Variants in ZNF362 observed in about 807,000 individuals in gnomAD.
ZNF362 encodes the protein zinc finger protein 362.
In ZNF362, 11 loss-of-function variants were observed where a neutral mutation model predicts 42.9. The observed-to-expected ratio is 0.26, with a 90% confidence interval of 0.16 to 0.42. The LOEUF is 0.42. ZNF362 is among the 20% of genes least tolerant of loss of function. ZNF362 has a pLI of 1.00. For missense variants in ZNF362, 362 were observed against 576.2 expected, an observed-to-expected ratio of 0.63 and a Z score of 3.81; for synonymous variants, 255 against 257.3, an observed-to-expected ratio of 0.99 and a Z score of 0.09.
At chr1:33,264,305 C>G (rs77563891) in intron 1 of ZNF362, among the ~76,000 whole-genome samples, 2 of 152,178 alleles carry the variant, frequency 1.3e-5, no homozygotes, top group Non-Finnish European at 2.9e-5. Flanking sequence ...TGCCACCCCC[C>G]ACCCCCTAGA....
the ZNF362 span, among the ~76,000 whole-genome samples, chr1:33,133,538 G>A: frequency 6.6e-6 from 1 of 152,222 alleles, no homozygotes; most frequent in African/African-American, 2.4e-5. Context: ...TACAGCTGAT[G>A]ACCAGCAGAG....
At chr1:33,243,402 T>C in the ZNF362 span, among the ~76,000 whole-genome samples, 1 of 151,806 alleles carries the variant, frequency 6.6e-6, no homozygotes, top group East Asian at 1.9e-4. Flanking sequence ...GCCAGGCTGG[T>C]CTTGAAATCC....
At chr1:33,210,769 A>T in the ZNF362 span, among the ~76,000 whole-genome samples, 2 of 150,842 alleles carry the variant, frequency 1.3e-5, no homozygotes. Flanking sequence ...TTTTCTTTCC[A>T]CTTGCTTGGT....
the ZNF362 span, chr1:33,180,953 T>TGGGGGGGGGG: frequency 9.7e-6 from 7 of 724,328 alleles, no homozygotes; most frequent in Non-Finnish European, 1.4e-5. Flanking sequence ...GGTCCAGCCC[T>TGGGGGGGGGG]GACCCCACCC....
At chr1:33,252,368 AC>A (rs1645765183), upstream of ZNF362, among the ~76,000 whole-genome samples, 1 of 113,282 alleles carries the variant, frequency 8.8e-6, no homozygotes, top group Non-Finnish European at 2.0e-5. Context: ...AACAACAACA[AC>A]AACAACAACA....
At chr1:33,274,103 G>A (rs1452105922) in intron 2 of ZNF362, among the ~76,000 whole-genome samples, 9 of 152,170 alleles carry the variant, frequency 5.9e-5, no homozygotes, top group African/African-American at 2.2e-4. Context: ...TGCTGTGTGA[G>A]CGGGTGCTCA....
At chr1:33,276,007 C>G in intron 2 of ZNF362, 93 bp from the exon 3 acceptor site, 1 of 1,420,788 alleles carries the variant, frequency 7.0e-7, no homozygotes, top group South Asian at 1.2e-5. Context: ...ATCCCAGACA[C>G]TGGCCCTGAC....
the ZNF362 span, among the ~76,000 whole-genome samples, chr1:33,218,466 GC>G: frequency 6.6e-6 from 1 of 152,060 alleles, no homozygotes; most frequent in Admixed American, 6.6e-5. Flanking sequence ...TTTTGATATT[GC>G]CCTCCAAAAA....
At chr1:33,244,614 G>T in the ZNF362 span, among the ~76,000 whole-genome samples, 1 of 152,180 alleles carries the variant, frequency 6.6e-6, no homozygotes, top group African/African-American at 2.4e-5. The surrounding 1 kb of genome is among the most constrained non-coding windows in gnomAD (Gnocchi z 4.0). Context: ...GAGAGACTGG[G>T]AAGGCACTTA....
At chr1:33,208,445 G>A in the ZNF362 span, among the ~76,000 whole-genome samples, 3 of 152,042 alleles carry the variant, frequency 2.0e-5, no homozygotes, top group Non-Finnish European at 2.9e-5. Context: ...ATTTAAAGTC[G>A]TTTTTTTCCA....
chr1:33,175,452 G>T, the ZNF362 span, among the ~76,000 whole-genome samples: 4 of 152,182 alleles, frequency 2.6e-5, no homozygotes, highest in African/African-American at 9.7e-5. Context: ...AATGGTACTG[G>T]GAAAACAACA....
intron 1 of ZNF362, among the ~76,000 whole-genome samples, chr1:33,259,201 A>G (rs138775130): frequency 4.5e-4 from 68 of 152,310 alleles, no homozygotes; most frequent in African/African-American, 1.6e-3. Context: ...CAGAGGGACA[A>G]TGAGCCCCTC....
chr1:33,260,339 C>T (rs1645820922), intron 1 of ZNF362, among the ~76,000 whole-genome samples: 1 of 152,248 alleles, frequency 6.6e-6, no homozygotes, highest in African/African-American at 2.4e-5. Context: ...TCCAGCCACA[C>T]ACCAGTTTCA....
the ZNF362 span, chr1:33,147,264 G>A: frequency 6.2e-7 from 1 of 1,614,040 alleles, no homozygotes; most frequent in African/African-American, 1.3e-5. The surrounding 1 kb of genome is among the most constrained non-coding windows in gnomAD (Gnocchi z 8.1). Context: ...AGCAGAGCTT[G>A]CCAGGGAACT....
At chr1:33,159,672 G>A in the ZNF362 span, 24 of 1,593,728 alleles carry the variant, frequency 1.5e-5, no homozygotes, top group African/African-American at 1.2e-4. This position sits in a 1 kb window ranked among gnomAD's most constrained non-coding sequence, Gnocchi z 4.2. Context: ...GGAGGGCCCC[G>A]GCGGGTGGCA....
At chr1:33,283,196 C>A (rs549150395) in intron 6 of ZNF362, among the ~76,000 whole-genome samples, 1 of 152,100 alleles carries the variant, frequency 6.6e-6, no homozygotes, top group Non-Finnish European at 1.5e-5. Context: ...GTCATGATCT[C>A]GGATCACTGC....
chr1:33,276,113 C>T lies in ZNF362; in HGVS notation c.52C>T (p.Arg18Ter). The T allele has an allele frequency of 6.2e-7, 1 of 1,614,044 alleles. No homozygotes were observed. Among genetic ancestry groups the T allele is most frequent in the Non-Finnish European group, 8.5e-7 (1 of 1,180,000 alleles). ...CTCTTCCCGCAGGATGGCCGAGCCT[C>T]GATTTAACAACCCCTACTTCTGGCC... ...GKGHSRMAEP[R>*]FNNPYFWPPP... The change falls in exon 3 of 9, where the codon CGA (arginine) becomes TGA (stop). Residue 18 changes from arginine to a stop codon, truncating the protein, a stop_gained. Coordinates refer to ENST00000539719, the MANE Select transcript of ZNF362 (RefSeq NM_152493.3). LOFTEE classifies it high-confidence loss of function.
chr1:33,166,690 G>A, the ZNF362 span, among the ~76,000 whole-genome samples: 1 of 152,128 alleles, frequency 6.6e-6, no homozygotes. Flanking sequence ...CCATGATCTT[G>A]ATGCCAGGTG....
chr1:33,220,383 G>C, the ZNF362 span, among the ~76,000 whole-genome samples: 1 of 152,112 alleles, frequency 6.6e-6, no homozygotes, highest in African/African-American at 2.4e-5. Flanking sequence ...CTAACCCTCA[G>C]TTACCTTGTG....
Sources: gnomAD v4.1 joint callset for allele counts (sites outside exome capture counted in the v4.1 genomes callset) on GRCh38, gnomAD v4.1.1 for gene constraint, Gnocchi (gnomAD v3.1) non-coding constraint, MANE v1.5 for transcripts, NCBI Gene and HGNC (gene_info 2026-07-23, HGNC 2026-07-21) for gene names.